The following FRMPD3 variants were observed in gnomAD, a reference collection of about 807,000 sequenced individuals.
The protein encoded by FRMPD3 is FERM and PDZ domain containing 3, also known as FERM and PDZ domain-containing protein 3.
Under a neutral mutation model 97.9 loss-of-function variants are expected in FRMPD3, and 42 were observed. The observed-to-expected ratio is 0.43, with a 90% CI of 0.34 to 0.55. The LOEUF is 0.55. Among genes scored for constraint, FRMPD3 ranks in the 20% least tolerant of loss-of-function variants. The pLI, the probability that FRMPD3 is intolerant of heterozygous loss-of-function variation, is 0.03. For missense variants in FRMPD3, 1,303 were observed against 1,457.7 expected, an observed-to-expected ratio of 0.89 and a Z score of 1.73; for synonymous variants, 577 against 581.1, an observed-to-expected ratio of 0.99 and a Z score of 0.10.
At chrX:107,517,688 G>C (rs2029876950) in intron 1 of FRMPD3, among the ~76,000 whole-genome samples, 1 of 108,090 alleles carries the variant, frequency 9.3e-6, no homozygotes. Context: ...TTGAACCTGG[G>C]AGGTGGAGGT....
intron 1 of FRMPD3, among the ~76,000 whole-genome samples, chrX:107,476,721 G>C (rs1921209911): frequency 8.9e-6 from 1 of 112,548 alleles, no homozygotes. Context: ...TGAATGCAGA[G>C]TTTCCAATTC....
chrX:107,501,353 A>ATT lies in FRMPD3; in HGVS notation c.-7-25204_-7-25203dup, dbSNP rs1180253334. On this transcript the variant is annotated intron_variant, in intron 1 of 14. Coordinates refer to ENST00000683843, the MANE Select transcript of FRMPD3 (RefSeq NM_001388459.1). Reference sequence around the variant, plus strand: ...ACTAAAGCCAATTCTCTTGTCTCCTATTTTTTTTTTTTTTTTTTTTTTTTT... The same window carrying ATT: ...ACTAAAGCCAATTCTCTTGTCTCCTATTTTTTTTTTTTTTTTTTTTTTTTTTT... Among the ~76,000 whole-genome samples, 115 of 44,716 alleles carry ATT rather than the reference A, an allele frequency of 2.6e-3. 2 individuals carry two copies. Among genetic ancestry groups the ATT allele is most frequent in the African/African-American group, 8.4e-3 (88 of 10,425 alleles). 38.8% of individuals were successfully genotyped at this position (44,716 alleles called of 115,157 possible). A position where few individuals can be genotyped will look rare whatever the true frequency, so the allele number is the denominator to read the frequency against.
At chrX:107,490,702 CT>C (rs1921636820) in intron 1 of FRMPD3, among the ~76,000 whole-genome samples, 1 of 112,091 alleles carries the variant, frequency 8.9e-6, no homozygotes, top group African/African-American at 3.2e-5. Flanking sequence ...TGGAAAGTCT[CT>C]TCTGAAAACA....
At chrX:107,553,309 C>T (rs1396659485) in intron 7 of FRMPD3, among the ~76,000 whole-genome samples, 13 of 107,057 alleles carry the variant, frequency 1.2e-4, no homozygotes, top group African/African-American at 3.4e-4. Flanking sequence ...GGGAGTGGAT[C>T]CTACTCAGCC....
rs768643645 is a variant in FRMPD3, at chrX:107,600,515, G to A, written c.2476G>A (p.Val826Ile). 10 of 1,208,853 alleles carry A rather than the reference G, an allele frequency of 8.3e-6. No homozygotes were observed. Among genetic ancestry groups the A allele is most frequent in the South Asian group, 1.8e-5 (1 of 56,758 alleles). ...FRIQSCAAQA[V>I]LTAPYSLGRP... Reference sequence around the variant, plus strand: ...GATCCAGAGCTGTGCAGCCCAGGCCGTTCTTACGGCCCCTTACTCTCTTGG... The same window carrying A: ...GATCCAGAGCTGTGCAGCCCAGGCCATTCTTACGGCCCCTTACTCTCTTGG... The change falls in exon 15 of 15, where the codon GTT (valine) becomes ATT (isoleucine). Residue 826 changes from valine to isoleucine, a missense_variant. By Grantham distance (29) the Val-to-Ile change is conservative (BLOSUM62 3). Around this residue, in one of 3 missense-constraint regions of FRMPD3, gnomAD observed 764 missense variants for 820.2 expected, o/e 0.93. Transcript: ENST00000683843.
chrX:107,496,441 GAGA>G, intron 1 of FRMPD3, among the ~76,000 whole-genome samples: 1 of 112,189 alleles, frequency 8.9e-6, no homozygotes, highest in Admixed American at 9.4e-5. Flanking sequence ...TACACATTCA[GAGA>G]AGAAGCCAGC....
At chrX:107,513,922 A>G (rs1922234204) in intron 1 of FRMPD3, among the ~76,000 whole-genome samples, 1 of 112,423 alleles carries the variant, frequency 8.9e-6, no homozygotes, top group African/African-American at 3.2e-5. Flanking sequence ...ACAAATGAAT[A>G]TATAACTACA....
At chrX:107,460,270 T>A (rs1458418695) in intron 1 of FRMPD3, among the ~76,000 whole-genome samples, 1 of 111,969 alleles carries the variant, frequency 8.9e-6, no homozygotes. Context: ...CAGTCTGTAC[T>A]CACTGTTTGT....
chrX:107,555,026 G>A (rs1922018940), intron 8 of FRMPD3: 2 of 115,717 alleles, frequency 1.7e-5, no homozygotes, highest in Admixed American at 1.7e-4. Flanking sequence ...GGGCACTCAG[G>A]AAGCATTTTT....
chrX:107,581,570 G>T (rs755290158), intron 13 of FRMPD3, among the ~76,000 whole-genome samples: 1 of 110,484 alleles, frequency 9.1e-6, no homozygotes, highest in African/African-American at 3.3e-5. Context: ...TATTCACAGG[G>T]TTATACAGCC....
At chrX:107,564,399 C>A (rs1312308311) in intron 11 of FRMPD3, among the ~76,000 whole-genome samples, 1 of 112,499 alleles carries the variant, frequency 8.9e-6, no homozygotes, top group Non-Finnish European at 1.9e-5. Flanking sequence ...AGTTACTGTG[C>A]CAGTTTAGTT....
At chrX:107,562,291 G>C (rs1268163759) in intron 10 of FRMPD3, among the ~76,000 whole-genome samples, 1 of 112,709 alleles carries the variant, frequency 8.9e-6, no homozygotes, top group African/African-American at 3.2e-5. Context: ...GTTGGCAGGA[G>C]CCAGTTCATG....
In FRMPD3 at chrX:107,600,658, C is replaced by T. The variant is rs767434376; in HGVS notation, c.2619C>T (p.Tyr873=). The change falls in exon 15 of 15, where the codon TAC becomes TAT. Residue 873 remains tyrosine, a synonymous_variant. Transcript: ENST00000683843. Reference sequence around the variant, plus strand: ...GCCAGGTACAGGGAGAACGAACATACTCCTTGGCAGTGCACCCAGCACTGT... The same window carrying T: ...GCCAGGTACAGGGAGAACGAACATATTCCTTGGCAGTGCACCCAGCACTGT... ...SEGQVQGERT[Y]SLAVHPALSP... The T allele has an allele frequency of 5.0e-6, 6 of 1,206,280 alleles. No homozygotes were observed. The highest frequency in any genetic ancestry group is 6.7e-6 in the Non-Finnish European group (6 of 892,988).
intron 6 of FRMPD3, among the ~76,000 whole-genome samples, chrX:107,552,265 C>A (rs764922178): frequency 8.9e-6 from 1 of 112,102 alleles, no homozygotes; most frequent in East Asian, 2.8e-4. Flanking sequence ...CAGTTATGGT[C>A]AAAAATGAAC....
chrX:107,582,224 CCCAGAATGGAGTGCAT>C (rs1273810168), intron 13 of FRMPD3, among the ~76,000 whole-genome samples: 1 of 110,187 alleles, frequency 9.1e-6, no homozygotes, highest in Non-Finnish European at 1.9e-5. Context: ...CACTCCGTCA[CCCAGAATGGAGTGCAT>C]GTGCACAATC....
Position 107,603,056 on chromosome X carries a change from T to C in FRMPD3, c.5017T>C (p.Phe1673Leu). ...GGTGCTGAGCAGCCTCATTGAGACC[T>C]TCGTGCGGCTGGTGTTCATTGTGCG... is the stretch of plus-strand genomic sequence containing the variant. Reference protein sequence around the residue: ...FQVLSSLIETFVRLVFIVRSE... With the variant: ...FQVLSSLIETLVRLVFIVRSE... Residue 1673 changes from phenylalanine to leucine, a missense_variant, in exon 15 of 15, where the codon TTC (phenylalanine) becomes CTC (leucine). Phe to Leu is a conservative substitution (Grantham distance 22, BLOSUM62 0). This residue lies in a region of FRMPD3 where 764 missense variants were observed against 820.2 expected (regional missense o/e 0.93). Coordinates refer to ENST00000683843, the MANE Select transcript of FRMPD3 (RefSeq NM_001388459.1). The C allele has an allele frequency of 2.5e-6, 3 of 1,210,843 alleles. No homozygotes were observed. The highest frequency in any genetic ancestry group is 3.4e-6 in the Non-Finnish European group (3 of 895,407).
intron 10 of FRMPD3, 112 bp downstream of exon 10, chrX:107,560,965 T>C: frequency 2.4e-6 from 2 of 839,982 alleles, no homozygotes; most frequent in Middle Eastern, 7.1e-4. Context: ...CCACTGCTTT[T>C]GACTCAGGTG....
At chrX:107,466,228 G>C (rs1254185282) in intron 1 of FRMPD3, among the ~76,000 whole-genome samples, 6 of 112,451 alleles carry the variant, frequency 5.3e-5, no homozygotes, top group Non-Finnish European at 1.1e-4. Flanking sequence ...TTGTGGGGAG[G>C]TTGTGCAAGA....
chrX:107,558,050 C>A (rs1922187689), intron 8 of FRMPD3, among the ~76,000 whole-genome samples: 1 of 107,386 alleles, frequency 9.3e-6, no homozygotes, highest in African/African-American at 3.4e-5. Context: ...ATAATTTCTA[C>A]CAAAACCTGC....
Sources: allele counts gnomAD v4.1 joint callset (sites outside exome capture counted in the v4.1 genomes callset), GRCh38; gene constraint gnomAD v4.1.1; regional missense constraint gnomAD v4.1.1; transcripts MANE v1.5; gene names NCBI Gene and HGNC (gene_info 2026-07-23, HGNC 2026-07-21).